Variants in USP35 observed in about 807,000 individuals in gnomAD.
USP35 encodes the protein ubiquitin carboxyl-terminal hydrolase 35.
Under a neutral mutation model 83.8 loss-of-function variants are expected in USP35, and 69 were observed. The ratio of observed to expected loss-of-function variants is 0.82; its 90% CI spans 0.68 to 1.01. USP35 has a LOEUF of 1.01. USP35 is among the 50% of genes least tolerant of loss of function. The probability of loss-of-function intolerance (pLI) is 0.00; values close to 1 mark genes in which losing one functional copy is unlikely to be tolerated. For missense variants in USP35, 1,503 were observed against 1,362.5 expected, an observed-to-expected ratio of 1.10 and a Z score of -1.62; for synonymous variants, 714 against 589.5, an observed-to-expected ratio of 1.21 and a Z score of -3.06.
intron 10 of USP35, 92 bp downstream of exon 10, chr11:78,210,836 CTT>C: frequency 7.5e-7 from 1 of 1,342,180 alleles, no homozygotes; most frequent in Middle Eastern, 2.3e-4. Flanking sequence ...CCCTCTAAGT[CTT>C]TTTTGTAAAT....
At chr11:78,204,278 C>G (rs1173418080) in intron 6 of USP35, among the ~76,000 whole-genome samples, 1 of 152,182 alleles carries the variant, frequency 6.6e-6, no homozygotes, top group Non-Finnish European at 1.5e-5. Flanking sequence ...AGAGGCAAGG[C>G]AGCAAATTAT....
chr11:78,222,183 G>C, the USP35 span: 2 of 1,613,196 alleles, frequency 1.2e-6, no homozygotes. Context: ...CAGGTCAAGT[G>C]GTGTTGGCTT....
intron 2 of USP35, 147 bp downstream of exon 2, chr11:78,197,065 G>T: frequency 7.4e-7 from 1 of 1,344,136 alleles, no homozygotes; most frequent in Non-Finnish European, 9.6e-7. Flanking sequence ...GAGGGCTGCA[G>T]CCTGCCTTCA....
At chr11:78,236,259 A>T in the USP35 span, among the ~76,000 whole-genome samples, 5 of 152,228 alleles carry the variant, frequency 3.3e-5, no homozygotes, top group African/African-American at 1.2e-4. Flanking sequence ...CATACTGTAA[A>T]ACTTATTTTT....
At chr11:78,231,430 C>T in the USP35 span, among the ~76,000 whole-genome samples, 1 of 151,896 alleles carries the variant, frequency 6.6e-6, no homozygotes, top group African/African-American at 2.4e-5. Context: ...CTCACTGCAA[C>T]CTCCGCCTCC....
the USP35 span, among the ~76,000 whole-genome samples, chr11:78,228,481 T>G: frequency 4.6e-5 from 7 of 152,200 alleles, no homozygotes; most frequent in Non-Finnish European, 1.0e-4. Context: ...TAATACATAA[T>G]AGCCCTCTGA....
At chr11:78,226,908 C>T in the USP35 span, 2 of 1,614,040 alleles carry the variant, frequency 1.2e-6, no homozygotes, top group Middle Eastern at 3.3e-4. Flanking sequence ...ATTGTGCCGG[C>T]TCGGCTTGGG....
chr11:78,198,149 C>A, intron 3 of USP35, 81 bp downstream of exon 3: 1 of 1,585,966 alleles, frequency 6.3e-7, no homozygotes. Flanking sequence ...CCTGGGTGGG[C>A]CGCTGGGCTA....
chr11:78,224,824 C>T, the USP35 span, among the ~76,000 whole-genome samples: 4 of 152,062 alleles, frequency 2.6e-5, no homozygotes, highest in African/African-American at 7.2e-5. Flanking sequence ...GTTCCCCCAC[C>T]GTGCAGCCTG....
At position 78,194,475 on chromosome 11, in the gene USP35, C is replaced by T. The variant is rs116479033; in HGVS notation, c.-10-1761C>T. Among the ~76,000 whole-genome samples the T allele has an allele frequency of 2.5e-4, 38 of 152,304 alleles. 1 individual carries two copies. Among genetic ancestry groups the T allele is most frequent in the African/African-American group, 9.1e-4 (38 of 41,556 alleles). ...GCATAAGAGTAGTTTTTACTGAGCC[C>T]ATAAGTTTAAACACCTGTTGTCTGC... On this transcript the variant is annotated intron_variant, in intron 1 of 10. Coordinates refer to ENST00000529308, the MANE Select transcript of USP35 (RefSeq NM_020798.4).
At position 78,210,635 on chromosome 11, in the gene USP35, C is replaced by T. The variant is rs1863731261; in HGVS notation, c.2780C>T (p.Pro927Leu). 1 of 1,614,008 alleles carries T rather than the reference C, an allele frequency of 6.2e-7. No homozygotes were observed. The highest frequency in any genetic ancestry group is 8.5e-7 in the Non-Finnish European group (1 of 1,179,992). Residue 927 changes from proline to leucine, a missense_variant, in exon 10 of 11, where the codon CCC (proline) becomes CTC (leucine). By Grantham distance (98) the Pro-to-Leu change is moderately conservative. Transcript: ENST00000529308. The part of the protein sequence containing the change: ...TAYVLFYRQR[P>L]REGPEAELGS... ...TATGTGCTGTTTTACCGGCAGCGGC[C>T]CAGGGAGGGGCCCGAGGCTGAGTTG... is the stretch of plus-strand genomic sequence containing the variant.
At chr11:78,213,170 G>C (rs763480834) in intron 10 of USP35, among the ~76,000 whole-genome samples, 1 of 152,230 alleles carries the variant, frequency 6.6e-6, no homozygotes, top group Non-Finnish European at 1.5e-5. Flanking sequence ...GCCCAGGGAG[G>C]GGCCTGAGGC....
chr11:78,231,301 ACAGT>A, the USP35 span, among the ~76,000 whole-genome samples: 3 of 151,294 alleles, frequency 2.0e-5, no homozygotes, highest in African/African-American at 7.3e-5. Context: ...TTGCCACCAT[ACAGT>A]CTCTCCCTTG....
chr11:78,210,642 G>A lies in USP35; in HGVS notation c.2787G>A (p.Glu929=). Residue 929 remains glutamate, a synonymous_variant, in exon 10 of 11, where the codon GAG becomes GAA. Transcript: ENST00000529308. ...YVLFYRQRPR[E]GPEAELGSSR... is the part of the protein sequence containing the mutation. Reference sequence around the variant, plus strand: ...TGTTTTACCGGCAGCGGCCCAGGGAGGGGCCCGAGGCTGAGTTGGGCTCTT... The same window carrying A: ...TGTTTTACCGGCAGCGGCCCAGGGAAGGGCCCGAGGCTGAGTTGGGCTCTT... 2 of 1,614,092 alleles carry A rather than the reference G, an allele frequency of 1.2e-6. No homozygotes were observed. The highest frequency in any genetic ancestry group is 1.3e-5 in the African/African-American group (1 of 75,074).
chr11:78,195,765 C>G (rs1434659021), intron 1 of USP35, among the ~76,000 whole-genome samples: 1 of 152,150 alleles, frequency 6.6e-6, no homozygotes, highest in African/African-American at 2.4e-5. Flanking sequence ...GACAGGGTCT[C>G]TTTTGCTCAG....
the USP35 span, among the ~76,000 whole-genome samples, chr11:78,235,387 TG>T: frequency 6.6e-6 from 1 of 151,986 alleles, no homozygotes; most frequent in African/African-American, 2.4e-5. Context: ...CTCCTGACCT[TG>T]AGATCCGCCC....
chr11:78,193,416 G>C (rs1380034741), intron 1 of USP35, among the ~76,000 whole-genome samples: 2 of 150,726 alleles, frequency 1.3e-5, no homozygotes, highest in African/African-American at 2.5e-5. Flanking sequence ...TGTTGCCCAG[G>C]CTGGTCTCAA....
chr11:78,221,063 C>A, the USP35 span, among the ~76,000 whole-genome samples: 2 of 152,198 alleles, frequency 1.3e-5, no homozygotes, highest in Admixed American at 1.3e-4. Flanking sequence ...GCTCTAGGAT[C>A]CTGTCCATCC....
chr11:78,200,725 C>CAGCTGGCGG lies in USP35; in HGVS notation c.1121_1129dup (p.Ala374_Leu376dup). 2 of 1,614,176 alleles carry CAGCTGGCGG rather than the reference C, an allele frequency of 1.2e-6. No individual in the cohort carries two copies. Among genetic ancestry groups the CAGCTGGCGG allele is most frequent in the Non-Finnish European group, 1.7e-6 (2 of 1,180,006 alleles). On this transcript the variant is annotated inframe_insertion, in exon 6 of 11. Coordinates refer to ENST00000529308, the MANE Select transcript of USP35 (RefSeq NM_020798.4). Reference sequence around the variant, plus strand: ...GAACTCGGGGACCAGCTGCCTGGAGCAGCTGGCGGAGCTGGTCCACTGCAT... The same window carrying CAGCTGGCGG: ...GAACTCGGGGACCAGCTGCCTGGAGCAGCTGGCGGAGCTGGCGGAGCTGGTCCACTGCAT...
Sources: allele counts gnomAD v4.1 joint callset (sites outside exome capture counted in the v4.1 genomes callset), GRCh38; gene constraint gnomAD v4.1.1; transcripts MANE v1.5; gene names NCBI Gene and HGNC (gene_info 2026-07-23, HGNC 2026-07-21).